VPS13A: variants seen among roughly 807,000 people sequenced by gnomAD.
The protein encoded by VPS13A is vacuolar protein sorting 13 homolog A.
VPS13A carries 264 observed loss-of-function variants against 390.9 expected under a neutral mutation model. That is an observed-to-expected ratio of 0.68 (90% confidence interval 0.61 to 0.75). The LOEUF is 0.75. Ranked by LOEUF, VPS13A falls within the 30% of genes least tolerant of loss-of-function variation. The probability of loss-of-function intolerance (pLI) is 0.00; values close to 1 mark genes in which losing one functional copy is unlikely to be tolerated. For synonymous variants in VPS13A, 1,231 were observed against 1,227.1 expected, an observed-to-expected ratio of 1.00 and a Z score of -0.07; for missense variants, 3,409 against 3,733.9, an observed-to-expected ratio of 0.91 and a Z score of 2.27.
At chr9:77,230,346 A>G (rs58108292) in intron 17 of VPS13A, among the ~76,000 whole-genome samples, 1 of 151,990 alleles carries the variant, frequency 6.6e-6, no homozygotes, top group Non-Finnish European at 1.5e-5. Context: ...TCTTATAAGA[A>G]TTTTATGCTA....
chr9:77,260,351 C>CA, intron 23 of VPS13A, 127 bp downstream of exon 23: 2 of 375,842 alleles, frequency 5.3e-6, no homozygotes, highest in Non-Finnish European at 8.7e-6. Context: ...AAGAAAATTA[C>CA]TTTTTTTTTT....
chr9:77,212,073 A>T (rs977812793), intron 7 of VPS13A, among the ~76,000 whole-genome samples: 1 of 152,204 alleles, frequency 6.6e-6, no homozygotes, highest in African/African-American at 2.4e-5. Context: ...ATCCTAATGC[A>T]TGCTAAACTT....
intron 6 of VPS13A, 148 bp downstream of exon 6, chr9:77,209,680 T>C (rs1297172287): frequency 8.0e-6 from 5 of 628,280 alleles, no homozygotes; most frequent in Non-Finnish European, 1.4e-5. Flanking sequence ...TCTATAATTA[T>C]AGTTGTAATT....
intron 17 of VPS13A, among the ~76,000 whole-genome samples, chr9:77,228,863 A>G (rs1823666205): frequency 6.6e-6 from 1 of 152,096 alleles, no homozygotes; most frequent in Non-Finnish European, 1.5e-5. Flanking sequence ...GGAAGATACA[A>G]AAGCGGAAAC....
At chr9:77,409,716 G>A (rs889699196) in intron 71 of VPS13A, among the ~76,000 whole-genome samples, 2 of 151,218 alleles carry the variant, frequency 1.3e-5, no homozygotes, top group Admixed American at 6.6e-5. Context: ...AAGATGAAAT[G>A]AATGAAATGA....
chr9:77,177,919 A>C (rs1589954171), intron 1 of VPS13A, 115 bp downstream of exon 1: 1 of 878,426 alleles, frequency 1.1e-6, no homozygotes, highest in East Asian at 2.7e-5. Context: ...GGGTGCAGCC[A>C]CCTGCCGCCG....
chr9:77,399,918 TA>T (rs1470748844), intron 68 of VPS13A, among the ~76,000 whole-genome samples: 2 of 152,182 alleles, frequency 1.3e-5, no homozygotes, highest in African/African-American at 4.8e-5. Flanking sequence ...TCTCTTGTAA[TA>T]TAATTTTATT....
chr9:77,252,409 G>A, intron 22 of VPS13A, 57 bp downstream of exon 22: 1 of 1,355,958 alleles, frequency 7.4e-7, no homozygotes, highest in Non-Finnish European at 1.1e-6. Context: ...TGTAGCTAGG[G>A]AAATACCATA....
intron 50 of VPS13A, among the ~76,000 whole-genome samples, chr9:77,342,401 T>C (rs1830882171): frequency 2.9e-5 from 1 of 34,050 alleles, no homozygotes; most frequent in Non-Finnish European, 6.3e-5. Flanking sequence ...TTAACTGTCA[T>C]TTTTTTTTTT....
At chr9:77,362,594 C>A (rs952500285) in intron 59 of VPS13A, among the ~76,000 whole-genome samples, 9 of 152,270 alleles carry the variant, frequency 5.9e-5, no homozygotes, top group Admixed American at 1.3e-4. Flanking sequence ...TTTGGCTGTT[C>A]TGAGTCCTTT....
chr9:77,305,235 G>C (rs1828668129), intron 34 of VPS13A, among the ~76,000 whole-genome samples: 1 of 152,104 alleles, frequency 6.6e-6, no homozygotes, highest in Non-Finnish European at 1.5e-5. Flanking sequence ...ATCACGCCTG[G>C]CCGAGATTTC....
At chr9:77,233,813 A>G (rs373388945) in intron 17 of VPS13A, among the ~76,000 whole-genome samples, 79 of 152,282 alleles carry the variant, frequency 5.2e-4, no homozygotes, top group African/African-American at 1.7e-3. Flanking sequence ...CATTTGGTCT[A>G]TCCTGGAGAA....
rs375565825 is a variant in VPS13A at position 77,214,332 on chromosome 9, G to A, written c.700G>A (p.Asp234Asn). Reference sequence around the variant, plus strand: ...AAAGCAATTTGTCTTTTAATAGGACGACTTGAAGAATGGCATTGTCAATGA... The same window carrying A: ...AAAGCAATTTGTCTTTTAATAGGACAACTTGAAGAATGGCATTGTCAATGA... ...YLSDYDNSLD[D>N]LKNGIVNENI... Residue 234 changes from aspartate (D) to asparagine (N), a missense_variant, in exon 10 of 72, where the codon GAC becomes AAC. This residue lies in a region of VPS13A where 2,717 missense variants were observed against 2,917.4 expected (regional missense o/e 0.93). Coordinates refer to ENST00000360280, the MANE Select transcript of VPS13A (RefSeq NM_033305.3). 35 of 1,612,520 alleles carry A rather than the reference G, an allele frequency of 2.2e-5. No individual in the cohort carries two copies. Among genetic ancestry groups the A allele is most frequent in the Non-Finnish European group, 2.5e-5 (30 of 1,179,012 alleles).
At chr9:77,249,654 C>G (rs1825040602) in intron 20 of VPS13A, among the ~76,000 whole-genome samples, 1 of 152,140 alleles carries the variant, frequency 6.6e-6, no homozygotes, top group Non-Finnish European at 1.5e-5. Context: ...CCTGGAGTTG[C>G]ATAAATGGCA....
chr9:77,369,194 A>AT, intron 62 of VPS13A, 105 bp from the exon 63 acceptor site: 1 of 814,884 alleles, frequency 1.2e-6, no homozygotes, highest in Admixed American at 1.8e-5. Context: ...TGAAATTGGC[A>AT]TTAAAGGTGT....
At chr9:77,336,493 A>G (rs1830544003) in intron 46 of VPS13A, among the ~76,000 whole-genome samples, 1 of 152,092 alleles carries the variant, frequency 6.6e-6, no homozygotes, top group Non-Finnish European at 1.5e-5. Context: ...CATTTGATTA[A>G]TGTTGGAAAG....
chr9:77,407,867 A>T (rs1283939680), intron 71 of VPS13A, among the ~76,000 whole-genome samples: 1 of 151,880 alleles, frequency 6.6e-6, no homozygotes, highest in South Asian at 2.1e-4. Context: ...ACTCTAATTA[A>T]TTTTTTTTAA....
chr9:77,362,668 G>GAT (rs1255437282), intron 59 of VPS13A, among the ~76,000 whole-genome samples: 1 of 152,188 alleles, frequency 6.6e-6, no homozygotes, highest in Admixed American at 6.5e-5. Context: ...CTGGACATCT[G>GAT]ATAGAGACTG....
At position 77,357,772 on chromosome 9, in the gene VPS13A, A is replaced by T; in HGVS notation, c.7887A>T (p.Ala2629=). ...CTCTACGAAGAAATTATCTTCCAGC[A>T]TTAAAAGTGGAATATAACACATCTG... is the stretch of plus-strand genomic sequence containing the variant. The part of the protein sequence containing the change: ...VIALRRNYLP[A]LKVEYNTSAH... The change falls in exon 56 of 72, where the codon GCA becomes GCT. Residue 2629 remains alanine, a synonymous_variant. Coordinates refer to ENST00000360280, the MANE Select transcript of VPS13A (RefSeq NM_033305.3). 1 of 1,613,790 alleles carries T rather than the reference A, an allele frequency of 6.2e-7. No homozygotes were observed. Among genetic ancestry groups the T allele is most frequent in the Non-Finnish European group, 8.5e-7 (1 of 1,179,756 alleles).
Sources: allele counts gnomAD v4.1 joint callset (sites outside exome capture counted in the v4.1 genomes callset), GRCh38; gene constraint gnomAD v4.1.1; regional missense constraint gnomAD v4.1.1; transcripts MANE v1.5; gene names NCBI Gene and HGNC (gene_info 2026-07-23, HGNC 2026-07-21).